The following CHRNB1 variants were observed in gnomAD, a reference collection of about 807,000 sequenced individuals.
The protein encoded by CHRNB1 is cholinergic receptor nicotinic beta 1 subunit.
Under a neutral mutation model 53.8 loss-of-function variants are expected in CHRNB1, and 47 were observed. The ratio of observed to expected loss-of-function variants is 0.87; its 90% confidence interval spans 0.69 to 1.11. The LOEUF (loss-of-function observed/expected upper bound fraction) is 1.11, where lower values mean the gene tolerates loss of function less well. Ranked by LOEUF, CHRNB1 falls within the 50% of genes most tolerant of loss-of-function variation. The probability of loss-of-function intolerance (pLI) is 0.00; values close to 1 mark genes in which losing one functional copy is unlikely to be tolerated. For missense variants in CHRNB1, 605 were observed against 654.9 expected, an observed-to-expected ratio of 0.92 and a Z score of 0.83; for synonymous variants, 259 against 263.5, an observed-to-expected ratio of 0.98 and a Z score of 0.16.
intron 9 of CHRNB1, 63 bp from the exon 10 acceptor site, chr17:7,455,731 G>A (rs2069942938): frequency 6.2e-7 from 1 of 1,609,894 alleles, no homozygotes; most frequent in Non-Finnish European, 8.5e-7. Flanking sequence ...AGCTGGAGCG[G>A]GGCCTGGGTC....
chr17:7,455,255 CCCA>C, intron 8 of CHRNB1, 26 bp from the exon 9 acceptor site: 9 of 1,613,672 alleles, frequency 5.6e-6, no homozygotes, highest in Non-Finnish European at 7.6e-6. Context: ...CATGAAAGCC[CCCA>C]CCAATACGCC....
Position 7,457,654 on chromosome 17 carries a change from T to C in CHRNB1, c.*931T>C, listed in dbSNP as rs1265655496. ...TCGTTTTCTTTTTACCTTTCTGTAA[T>C]TTATTATGTTTTGTAATGTGTACTA... On this transcript the variant is annotated 3_prime_UTR_variant, in exon 11 of 11. Coordinates refer to ENST00000306071, the MANE Select transcript of CHRNB1 (RefSeq NM_000747.3). The C allele has an allele frequency of 6.6e-6, 1 of 152,172 alleles. No homozygotes were observed. Among genetic ancestry groups the C allele is most frequent in the Non-Finnish European group, 1.5e-5 (1 of 68,034 alleles). The allele number at this position is 152,172 out of a possible 1,614,324, so 9.4% of individuals were successfully genotyped here. A position where few individuals can be genotyped will look rare whatever the true frequency, so the allele number is the denominator to read the frequency against.
In CHRNB1 at chr17:7,455,340, AGACCTGAT is replaced by A; in HGVS notation, c.1103_1110del (p.Asp368AlafsTer19). On this transcript the variant is annotated frameshift_variant, in exon 9 of 11. Transcript: ENST00000306071. LOFTEE classifies it high-confidence loss of function. The stretch of plus-strand genomic sequence containing the variant: ...GTCTAAAAAGGCCCAAACCCGAGAG[AGACCTGAT>A]GCCGGAGCCCCCTCACTGTTCTTCT... The A allele has an allele frequency of 6.2e-7, 1 of 1,614,120 alleles. No homozygotes were observed. The highest frequency in any genetic ancestry group is 8.5e-7 in the Non-Finnish European group (1 of 1,180,032).
chr17:7,450,447 T>G (rs1301729642), intron 7 of CHRNB1, among the ~76,000 whole-genome samples: 2 of 152,136 alleles, frequency 1.3e-5, no homozygotes, highest in African/African-American at 4.8e-5. Flanking sequence ...CTGGCCAAAT[T>G]CCTTAATCCC....
At position 7,445,964 on chromosome 17, in the gene CHRNB1, C is replaced by T. The variant is rs548470164; in HGVS notation, c.199-105C>T. On this transcript the variant is annotated intron_variant, in intron 2 of 10. Coordinates refer to ENST00000306071, the MANE Select transcript of CHRNB1 (RefSeq NM_000747.3). The surrounding 1 kb of genome is among the most constrained non-coding windows in gnomAD (Gnocchi z 5.7). ...TGGACTTGGACCCGAGAGGATGGGGCTCAGAAAAAGGGGGCGGCGTTCCCA... is the reference window on the plus strand; with the variant it reads ...TGGACTTGGACCCGAGAGGATGGGGTTCAGAAAAAGGGGGCGGCGTTCCCA... 4.4e-5 allele frequency: 44 copies of T among 1,001,430 alleles called. No homozygotes were observed. Among genetic ancestry groups the T allele is most frequent in the Middle Eastern group, 6.0e-4 (2 of 3,324 alleles). The allele number at this position is 1,001,430 out of a possible 1,614,324, so 62.0% of individuals were successfully genotyped here. A position where few individuals can be genotyped will look rare whatever the true frequency, so the allele number is the denominator to read the frequency against.
At position 7,446,078 on chromosome 17, in the gene CHRNB1, G is replaced by C. The variant is rs1908599022; in HGVS notation, c.208G>C (p.Asp70His). 6.2e-7 allele frequency: 1 copy of C among 1,614,040 alleles called. No homozygotes were observed. Among genetic ancestry groups the C allele is most frequent in the Non-Finnish European group, 8.5e-7 (1 of 1,179,950 alleles). ...LAQLISLNEK[D>H]EEMSTKVYLD... is the part of the protein sequence containing the mutation. Reference sequence around the variant, plus strand: ...AATTTTTCCCTTCTAGAACGAGAAGGATGAAGAGATGAGCACAAAGGTGTA... The same window carrying C: ...AATTTTTCCCTTCTAGAACGAGAAGCATGAAGAGATGAGCACAAAGGTGTA... Residue 70 changes from aspartate to histidine, a missense_variant, in exon 3 of 11, where the codon GAT (aspartate) becomes CAT (histidine). Transcript: ENST00000306071.
At chr17:7,455,555 T>C in intron 9 of CHRNB1, 99 bp downstream of exon 9, 1 of 1,447,244 alleles carries the variant, frequency 6.9e-7, no homozygotes, top group Admixed American at 1.7e-5. Context: ...GAAGACGCTG[T>C]GGTTGAGCAT....
chr17:7,452,319 A>G (rs948501634), intron 7 of CHRNB1, among the ~76,000 whole-genome samples: 2 of 152,064 alleles, frequency 1.3e-5, no homozygotes, highest in Non-Finnish European at 2.9e-5. Flanking sequence ...CAGCCTCCCA[A>G]AATGCTAGGA....
At position 7,456,750 on chromosome 17, in the gene CHRNB1, C is replaced by T. The variant is rs1471606445; in HGVS notation, c.*27C>T. On this transcript the variant is annotated 3_prime_UTR_variant, in exon 11 of 11. Coordinates refer to ENST00000306071, the MANE Select transcript of CHRNB1 (RefSeq NM_000747.3). ...GACTGGAGGGTTGAGACCCAGGCCC[C>T]CTGCCAGTTGAAGTGAGAGTTTGGT... 6.2e-7 allele frequency: 1 copy of T among 1,613,988 alleles called. No individual in the cohort carries two copies. The highest frequency in any genetic ancestry group is 8.5e-7 in the Non-Finnish European group (1 of 1,180,022).
rs547363740 is a variant in CHRNB1, at chr17:7,449,633, C to T, written c.820+845C>T. Among the ~76,000 whole-genome samples the T allele has an allele frequency of 5.3e-5, 8 of 152,076 alleles. No homozygotes were observed. The South Asian group carries it at 1.2e-3, about 24-fold the overall frequency. On this transcript the variant is annotated intron_variant, in intron 7 of 10. Coordinates refer to ENST00000306071, the MANE Select transcript of CHRNB1 (RefSeq NM_000747.3). ...CCATGTTGCCCAGCCTGGTCTGCAACTCCTGAACTCAAGCGATCTGTTCGC... is the reference window on the plus strand; with the variant it reads ...CCATGTTGCCCAGCCTGGTCTGCAATTCCTGAACTCAAGCGATCTGTTCGC...
intron 7 of CHRNB1, among the ~76,000 whole-genome samples, chr17:7,452,929 C>T (rs547183168): frequency 2.0e-5 from 3 of 152,146 alleles, no homozygotes; most frequent in African/African-American, 7.2e-5. Flanking sequence ...GAGGCTAAGA[C>T]AGGAGAACTG....
chr17:7,452,057 C>CTT (rs34297883), intron 7 of CHRNB1, among the ~76,000 whole-genome samples: 1 of 138,836 alleles, frequency 7.2e-6, no homozygotes, highest in Non-Finnish European at 1.6e-5. Context: ...TTTCCTTTTT[C>CTT]TTTTTTTTTT....
Position 7,445,621 on chromosome 17 carries a change from T to A in CHRNB1, c.198+212T>A. The A allele has an allele frequency of 3.5e-6, 5 of 1,446,894 alleles. No individual in the cohort carries two copies. Among genetic ancestry groups the A allele is most frequent in the Non-Finnish European group, 4.5e-6 (5 of 1,103,520 alleles). 89.6% of individuals were successfully genotyped at this position (1,446,894 alleles called of 1,614,324 possible). ...GGGCCTGGAGTAGAACTGGGTAGGG[T>A]GAAGGACGGACCTGTGATCGGACCT... On this transcript the variant is annotated intron_variant, in intron 2 of 10. Transcript: ENST00000306071. This position sits in a 1 kb window ranked among gnomAD's most constrained non-coding sequence, Gnocchi z 5.7.
intron 7 of CHRNB1, among the ~76,000 whole-genome samples, chr17:7,450,691 G>A (rs1908853116): frequency 6.6e-6 from 1 of 152,204 alleles, no homozygotes; most frequent in Non-Finnish European, 1.5e-5. Context: ...TGTGAGGTAA[G>A]TAACGAATTG....
chr17:7,448,449 C>A, intron 6 of CHRNB1, 130 bp from the exon 7 acceptor site: 2 of 779,798 alleles, frequency 2.6e-6, no homozygotes, highest in Non-Finnish European at 4.5e-6. Flanking sequence ...ATGGGCTACT[C>A]AGCCCAGTTT....
At chr17:7,446,629 A>G (rs1908642586) in intron 3 of CHRNB1, 2 of 600,298 alleles carry the variant, frequency 3.3e-6, no homozygotes. Flanking sequence ...TAAAATATTG[A>G]AACCCGGTGC....
intron 7 of CHRNB1, among the ~76,000 whole-genome samples, chr17:7,453,186 C>T (rs1165410993): frequency 1.3e-5 from 2 of 152,132 alleles, no homozygotes; most frequent in African/African-American, 4.8e-5. Context: ...GGCACGATCT[C>T]GACTCACTGC....
intron 7 of CHRNB1, among the ~76,000 whole-genome samples, chr17:7,449,805 G>C (rs1452111437): frequency 6.6e-6 from 1 of 151,870 alleles, no homozygotes; most frequent in Non-Finnish European, 1.5e-5. Context: ...AGCACTTTGG[G>C]AGGCCGAGGT....
chr17:7,452,640 C>A (rs1303031497), intron 7 of CHRNB1, among the ~76,000 whole-genome samples: 2 of 152,198 alleles, frequency 1.3e-5, no homozygotes, highest in Non-Finnish European at 2.9e-5. Flanking sequence ...GGAGTTACCA[C>A]CCCTTTGGCA....
Sources: gnomAD v4.1 joint callset for allele counts (sites outside exome capture counted in the v4.1 genomes callset) on GRCh38, gnomAD v4.1.1 for gene constraint, Gnocchi (gnomAD v3.1) non-coding constraint, MANE v1.5 for transcripts, NCBI Gene and HGNC (gene_info 2026-07-23, HGNC 2026-07-21) for gene names.